The following GPR149 variants were observed in gnomAD, a reference collection of about 807,000 sequenced individuals.
GPR149 encodes G protein-coupled receptor 149.
GPR149 carries 50 observed loss-of-function variants against 50.2 expected under a neutral mutation model. The observed-to-expected ratio is 1.00, with a 90% confidence interval of 0.79 to 1.26. The LOEUF (loss-of-function observed/expected upper bound fraction) is 1.26, where lower values mean the gene tolerates loss of function less well. Ranked by LOEUF, GPR149 falls within the 50% of genes most tolerant of loss-of-function variation. The probability of loss-of-function intolerance (pLI) is 0.00; values close to 1 mark genes in which losing one functional copy is unlikely to be tolerated. For synonymous variants in GPR149, 405 were observed against 358.2 expected (o/e 1.13, Z -1.48); for missense variants, 983 against 895.4 (o/e 1.10, Z -1.25).
chr3:154,429,101 C>A lies in GPR149; in HGVS notation c.515G>T (p.Trp172Leu), dbSNP rs777899912. The change falls in exon 1 of 4, where the codon TGG becomes TTG. Residue 172 changes from tryptophan (W) to leucine (L), a missense_variant. Transcript: ENST00000389740. ...CCAGGGCGTGCGCACGAAGGCGCCCCAGCCGCACAGCGGGAGCGCCGAGAG... is the reference window on the plus strand; with the variant it reads ...CCAGGGCGTGCGCACGAAGGCGCCCAAGCCGCACAGCGGGAGCGCCGAGAG... ...LLLSALPLCGWGAFVRTPWGC... is the reference protein window; with the variant it reads ...LLLSALPLCGLGAFVRTPWGC... 1 of 1,613,690 alleles carries A rather than the reference C, an allele frequency of 6.2e-7. No homozygotes were observed. The highest frequency in any genetic ancestry group is 2.2e-5 in the East Asian group (1 of 44,856).
rs1463756658 is a variant in GPR149 at position 154,337,621 on chromosome 3, A to G, written c.*78T>C. 2.3e-5 allele frequency: 26 copies of G among 1,116,364 alleles called. No individual in the cohort carries two copies. 69.2% of individuals were successfully genotyped at this position (1,116,364 alleles called of 1,614,324 possible). On this transcript the variant is annotated 3_prime_UTR_variant, in exon 4 of 4. Transcript: ENST00000389740. ...AATGTAAGCCAACAAATAAAAGGAA[A>G]TCAGTCTCATAACAAAGGTGTTAGT...
intron 3 of GPR149, among the ~76,000 whole-genome samples, chr3:154,348,531 A>G (rs754376294): frequency 1.3e-5 from 2 of 152,186 alleles, no homozygotes; most frequent in Non-Finnish European, 2.9e-5. Context: ...ATAATAATAA[A>G]GTGATCCATC....
chr3:154,420,587 C>A (rs925687908), intron 3 of GPR149, among the ~76,000 whole-genome samples: 2 of 151,926 alleles, frequency 1.3e-5, no homozygotes, highest in African/African-American at 4.8e-5. Context: ...GCCTAATATA[C>A]TTTCAACAGA....
intron 3 of GPR149, among the ~76,000 whole-genome samples, chr3:154,412,907 A>G (rs1163903894): frequency 1.3e-5 from 2 of 152,200 alleles, no homozygotes; most frequent in African/African-American, 4.8e-5. Context: ...AAACTATATT[A>G]CAAGGCCATA....
At chr3:154,346,553 A>G (rs1428162792) in intron 3 of GPR149, among the ~76,000 whole-genome samples, 1 of 151,776 alleles carries the variant, frequency 6.6e-6, no homozygotes, top group Non-Finnish European at 1.5e-5. Flanking sequence ...TTCACATTTA[A>G]TCCTCAAAGG....
intron 3 of GPR149, among the ~76,000 whole-genome samples, chr3:154,340,255 T>C (rs1713760670): frequency 6.6e-6 from 1 of 152,194 alleles, no homozygotes; most frequent in African/African-American, 2.4e-5. Context: ...CGATAAAGTT[T>C]TGGAAATTTT....
At chr3:154,347,127 T>G (rs1444890243) in intron 3 of GPR149, among the ~76,000 whole-genome samples, 1 of 152,154 alleles carries the variant, frequency 6.6e-6, no homozygotes, top group Non-Finnish European at 1.5e-5. Context: ...AGGGAGGTAA[T>G]AAGGGAAGGT....
intron 3 of GPR149, among the ~76,000 whole-genome samples, chr3:154,390,261 A>G (rs1715141074): frequency 6.6e-6 from 1 of 152,176 alleles, no homozygotes; most frequent in Admixed American, 6.5e-5. Context: ...ACCCTAATGA[A>G]ACAGAGATAT....
intron 3 of GPR149, among the ~76,000 whole-genome samples, chr3:154,364,739 T>C (rs1176814148): frequency 6.6e-6 from 1 of 152,216 alleles, no homozygotes; most frequent in Non-Finnish European, 1.5e-5. Context: ...GAGACTGAAG[T>C]TGGGCTCCAA....
intron 3 of GPR149, among the ~76,000 whole-genome samples, chr3:154,350,882 A>G (rs1391219426): frequency 6.6e-6 from 1 of 152,138 alleles, no homozygotes; most frequent in Non-Finnish European, 1.5e-5. Flanking sequence ...CCTCGCATAT[A>G]CTTTAAAATC....
At chr3:154,354,181 A>G in intron 3 of GPR149, 1 of 494,380 alleles carries the variant, frequency 2.0e-6, no homozygotes. Context: ...CTATAACAAC[A>G]TTTTCTCTTG....
chr3:154,358,095 A>G (rs547159479), intron 3 of GPR149, among the ~76,000 whole-genome samples: 1 of 151,588 alleles, frequency 6.6e-6, no homozygotes, highest in Non-Finnish European at 1.5e-5. Flanking sequence ...AACAATGAGA[A>G]CACATGGACA....
chr3:154,402,051 A>C (rs1353353622), intron 3 of GPR149, among the ~76,000 whole-genome samples: 2 of 152,210 alleles, frequency 1.3e-5, no homozygotes, highest in Non-Finnish European at 2.9e-5. Flanking sequence ...TGAATCTTAA[A>C]GCACTAAGAA....
rs189382262 is a variant in GPR149, at chr3:154,355,815, G to A, written c.1624-17544C>T. On this transcript the variant is annotated intron_variant, in intron 3 of 3. Transcript: ENST00000389740. ...AAAATTTCTCATACCTAATTCACCA[G>A]AATTAGGTCAGAAATGATATATTTT... is the stretch of plus-strand genomic sequence containing the variant. 5.1e-3 allele frequency among the ~76,000 whole-genome samples: 770 copies of A among 152,226 alleles called. 1 individual carries two copies. Among genetic ancestry groups the A allele is most frequent in the Non-Finnish European group, 8.6e-3 (586 of 68,000 alleles).
chr3:154,394,636 C>G (rs1021908505), intron 3 of GPR149, among the ~76,000 whole-genome samples: 2 of 151,942 alleles, frequency 1.3e-5, no homozygotes, highest in Admixed American at 6.6e-5. Context: ...ATTTGTAAAC[C>G]ATATATCAGA....
chr3:154,388,817 A>C (rs1286440315), intron 3 of GPR149, among the ~76,000 whole-genome samples: 1 of 151,530 alleles, frequency 6.6e-6, no homozygotes, highest in Non-Finnish European at 1.5e-5. Flanking sequence ...CTTTCTGATA[A>C]ATTGACTACT....
chr3:154,424,298 C>G (rs1712233952), intron 2 of GPR149, among the ~76,000 whole-genome samples: 1 of 151,746 alleles, frequency 6.6e-6, no homozygotes, highest in South Asian at 2.1e-4. Context: ...GTGACTTTTT[C>G]CCTAATAAAT....
At chr3:154,402,434 A>ATAAATAAATAAG (rs1711569149) in intron 3 of GPR149, among the ~76,000 whole-genome samples, 1 of 151,030 alleles carries the variant, frequency 6.6e-6, no homozygotes, top group Non-Finnish European at 1.5e-5. Context: ...AAATAAATAA[A>ATAAATAAATAAG]TAAATAAATA....
At position 154,338,045 on chromosome 3, in the gene GPR149, A is replaced by G. The variant is rs1713697249; in HGVS notation, c.1850T>C (p.Ile617Thr). Residue 617 changes from isoleucine to threonine, a missense_variant, in exon 4 of 4, where the codon ATA becomes ACA. Physicochemically the swap from Ile to Thr is moderately conservative, Grantham distance 89. Transcript: ENST00000389740. ...SSTFVDTSVKIHLEVLEICDN... is the reference protein window; with the variant it reads ...SSTFVDTSVKTHLEVLEICDN... ...ACAAATTTCAAGAACCTCCAAGTGT[A>G]TTTTCACACTGGTGTCCACAAACGT... 2 of 1,614,174 alleles carry G rather than the reference A, an allele frequency of 1.2e-6. No individual in the cohort carries two copies. Among genetic ancestry groups the G allele is most frequent in the Non-Finnish European group, 1.7e-6 (2 of 1,180,016 alleles).
Sources: allele counts gnomAD v4.1 joint callset (sites outside exome capture counted in the v4.1 genomes callset), GRCh38; gene constraint gnomAD v4.1.1; transcripts MANE v1.5; gene names NCBI Gene and HGNC (gene_info 2026-07-23, HGNC 2026-07-21).